The following PRRC2A variants were observed in gnomAD, a reference collection of about 807,000 sequenced individuals.
PRRC2A encodes the protein protein PRRC2A.
In PRRC2A, 59 loss-of-function variants were observed where a neutral mutation model predicts 224.6. The observed-to-expected ratio is 0.26, with a 90% CI of 0.21 to 0.33. The LOEUF is 0.33. Ranked by LOEUF, PRRC2A falls within the 10% of genes least tolerant of loss-of-function variation. The pLI is 1.00. For synonymous variants in PRRC2A, 1,194 were observed against 1,109.5 expected (o/e 1.08, Z -1.51); for missense variants, 3,095 against 2,880.7 (o/e 1.07, Z -1.70).
In PRRC2A at chr6:31,626,042, C is replaced by T. The variant is rs1454783031; in HGVS notation, c.862C>T (p.Pro288Ser). 3.2e-5 allele frequency: 52 copies of T among 1,609,328 alleles called. No individual in the cohort carries two copies. The highest frequency in any genetic ancestry group is 4.2e-5 in the Non-Finnish European group (50 of 1,178,534). Residue 288 changes from proline to serine, a missense_variant, in exon 9 of 31, where the codon CCC becomes TCC. By Grantham distance (74) the Pro-to-Ser change is moderately conservative. Transcript: ENST00000376033. The part of the protein sequence containing the change: ...GPSRFPRVAG[P>S]RGSGPPMRLV... ...CAGCCGTTTTCCCCGTGTGGCGGGC[C>T]CCCGAGGCTCAGGGCCACCAATGCG... is the stretch of plus-strand genomic sequence containing the variant.
chr6:31,629,383 C>G (rs760948983), intron 13 of PRRC2A, 49 bp downstream of exon 13: 2 of 1,523,088 alleles, frequency 1.3e-6, no homozygotes, highest in Non-Finnish European at 1.8e-6. Context: ...TTCCTGGCTT[C>G]GGTCCCTAAT....
chr6:31,629,402 T>C, intron 13 of PRRC2A, 68 bp downstream of exon 13: 1 of 1,512,018 alleles, frequency 6.6e-7, no homozygotes, highest in Non-Finnish European at 8.9e-7. Flanking sequence ...ATTCTCTTCA[T>C]AAGTTACCTT....
Position 31,630,816 on chromosome 6 carries a change from T to C in PRRC2A, c.2465+15T>C. The C allele has an allele frequency of 1.9e-6, 3 of 1,612,816 alleles. No homozygotes were observed. The highest frequency in any genetic ancestry group is 2.5e-6 in the Non-Finnish European group (3 of 1,179,376). On this transcript the variant is annotated intron_variant, in intron 15 of 30. Transcript: ENST00000376033. ...AAGGGGATGAGGTGAGTCTTGGTCA[T>C]GAGAAATGGGTGAGTTCACAGTGAA... is the stretch of plus-strand genomic sequence containing the variant.
In PRRC2A at chr6:31,632,299, T is replaced by G; in HGVS notation, c.3626T>G (p.Leu1209Trp). 2 of 1,613,216 alleles carry G rather than the reference T, an allele frequency of 1.2e-6. No individual in the cohort carries two copies. The highest frequency in any genetic ancestry group is 1.6e-4 in the Middle Eastern group (1 of 6,062). ...CCTTTGCCACCAAGTAAGGAGCCTT[T>G]GAAAGAGAAGTTGATCCCAGGGCCT... is the stretch of plus-strand genomic sequence containing the variant. ...TGPLPPSKEP[L>W]KEKLIPGPLS... The change falls in exon 16 of 31, where the codon TTG (leucine) becomes TGG (tryptophan). Residue 1209 changes from leucine (L) to tryptophan (W), a missense_variant. Leu to Trp is a moderately conservative substitution (Grantham distance 61). Around this residue, in one of 8 missense-constraint regions of PRRC2A, gnomAD observed 2,001 missense variants for 1,764.9 expected, o/e 1.13. Coordinates refer to ENST00000376033, the MANE Select transcript of PRRC2A (RefSeq NM_004638.4).
Position 31,632,501 on chromosome 6 carries a change from C to G in PRRC2A, c.3828C>G (p.Ser1276=). The change falls in exon 16 of 31, where the codon TCC becomes TCG. Residue 1276 remains serine (S), a synonymous_variant. Transcript: ENST00000376033. ...NAARGSEGKP[S]LTLPASAPGP... ...CAAGGGGGTCTGAGGGCAAGCCCTC[C>G]CTAACCCTTCCAGCCTCCGCTCCTG... 6.2e-7 allele frequency: 1 copy of G among 1,608,658 alleles called. No individual in the cohort carries two copies. Among genetic ancestry groups the G allele is most frequent in the Non-Finnish European group, 8.5e-7 (1 of 1,177,194 alleles).
In PRRC2A at chr6:31,625,945, A is replaced by G; in HGVS notation, c.839+74A>G. The G allele has an allele frequency of 6.3e-7, 1 of 1,590,908 alleles. No individual in the cohort carries two copies. The highest frequency in any genetic ancestry group is 1.7e-5 in the Admixed American group (1 of 58,728). On this transcript the variant is annotated intron_variant, in intron 8 of 30. Coordinates refer to ENST00000376033, the MANE Select transcript of PRRC2A (RefSeq NM_004638.4). This position sits in a 1 kb window ranked among gnomAD's most constrained non-coding sequence, Gnocchi z 4.1. The stretch of plus-strand genomic sequence containing the variant: ...TGGGGGAGGAGATGGTTTTCTAGCC[A>G]GGAGGCTCAGTCTAGGATCAGTCTC...
chr6:31,624,294 G>A lies in PRRC2A; in HGVS notation c.324G>A (p.Ser108=). 6.2e-7 allele frequency: 1 copy of A among 1,613,878 alleles called. No individual in the cohort carries two copies. The highest frequency in any genetic ancestry group is 8.5e-7 in the Non-Finnish European group (1 of 1,179,990). The change falls in exon 4 of 31, where the codon TCG becomes TCA. Residue 108 remains serine, a synonymous_variant. Transcript: ENST00000376033. ...CCTCAACCGCTCAGCCGCCGGAATC[G>A]CAGCCACTGCCGGCTTCACAGACGC... ...SDASTAQPPE[S]QPLPASQTPA...
rs749027787 is a variant in PRRC2A, at chr6:31,636,916, C to A, written c.6118C>A (p.Pro2040Thr). 1.6e-5 allele frequency: 25 copies of A among 1,612,880 alleles called. 1 individual carries two copies. In the Middle Eastern group the frequency reaches 6.6e-4, roughly 42 times the overall value. ...ATRVLPSPAR[P>T]FPASLGRAEL... ...TCGGGTGCTGCCTTCACCTGCCAGG[C>A]CCTTCCCCGCTAGCTTGGGGCGAGC... Residue 2040 changes from proline to threonine, a missense_variant, in exon 28 of 31, where the codon CCC (proline) becomes ACC (threonine). Coordinates refer to ENST00000376033, the MANE Select transcript of PRRC2A (RefSeq NM_004638.4). This position sits in a 1 kb window ranked among gnomAD's most constrained non-coding sequence, Gnocchi z 4.3.
chr6:31,624,374 T>C lies in PRRC2A; in HGVS notation c.390+14T>C, dbSNP rs377105795. 2.5e-5 allele frequency: 40 copies of C among 1,612,206 alleles called. No homozygotes were observed. In the African/African-American group the frequency reaches 4.5e-4, roughly 18 times the overall value. ...GCAGCCCCCGAGGTACCTGGAGAAC[T>C]GGAGGGGTGGGGAGGAAGAATGGTT... On this transcript the variant is annotated intron_variant, in intron 4 of 30. Coordinates refer to ENST00000376033, the MANE Select transcript of PRRC2A (RefSeq NM_004638.4).
chr6:31,629,964 G>A (rs896794797), intron 14 of PRRC2A, 119 bp downstream of exon 14: 1 of 1,481,566 alleles, frequency 6.7e-7, no homozygotes, highest in South Asian at 1.3e-5. Context: ...GATGAGGGAA[G>A]GGCATATGCT....
rs138385702 is a variant in PRRC2A, at chr6:31,627,719, A to G, written c.1291-46A>G. The G allele has an allele frequency of 6.6e-5, 106 of 1,597,850 alleles. No individual in the cohort carries two copies. In the African/African-American group the frequency reaches 9.4e-4, roughly 14 times the overall value. On this transcript the variant is annotated intron_variant, in intron 11 of 30. Coordinates refer to ENST00000376033, the MANE Select transcript of PRRC2A (RefSeq NM_004638.4). The surrounding 1 kb of genome is among the most constrained non-coding windows in gnomAD (Gnocchi z 5.6). ...TGTTGTAAAAGAGATGATAGAAAGC[A>G]TAGTAACTGATTCCCCTGGCCCTGC...
Position 31,633,939 on chromosome 6 carries a change from C to A in PRRC2A, c.4669C>A (p.Pro1557Thr), listed in dbSNP as rs934850769. 1.9e-6 allele frequency: 3 copies of A among 1,597,098 alleles called. No individual in the cohort carries two copies. The highest frequency in any genetic ancestry group is 1.4e-5 in the African/African-American group (1 of 73,734). The stretch of plus-strand genomic sequence containing the variant: ...GGACTCTGCCGGGGTTAGTCCCTTT[C>A]CCCCTAAACGTCGGGAGCGGCCTCC... ...PRDSAGVSPF[P>T]PKRRERPPRK... Residue 1557 changes from proline (P) to threonine (T), a missense_variant, in exon 18 of 31, where the codon CCC (proline) becomes ACC (threonine). Physicochemically the swap from Pro to Thr is conservative, Grantham distance 38 (BLOSUM62 -1). This residue lies in a region of PRRC2A where 2,001 missense variants were observed against 1,764.9 expected (regional missense o/e 1.13). Transcript: ENST00000376033.
In PRRC2A at chr6:31,632,846, C is replaced by T. The variant is rs1050871605; in HGVS notation, c.4173C>T (p.Gly1391=). 1 of 1,613,092 alleles carries T rather than the reference C, an allele frequency of 6.2e-7. No individual in the cohort carries two copies. The highest frequency in any genetic ancestry group is 8.5e-7 in the Non-Finnish European group (1 of 1,180,000). Residue 1391 remains glycine (G), a synonymous_variant, in exon 16 of 31, where the codon GGC becomes GGT. Transcript: ENST00000376033. Reference sequence around the variant, plus strand: ...GGAGCTTCTCAAGTCAGCGGCCAGGCATGGAACGGCAGAATCGGCGCCCTG... The same window carrying T: ...GGAGCTTCTCAAGTCAGCGGCCAGGTATGGAACGGCAGAATCGGCGCCCTG... ...SKRSFSSQRP[G]MERQNRRPGP...
rs17207239 is a variant in PRRC2A at position 31,635,117 on chromosome 6, G to C, written c.5161-15G>C. The C allele has an allele frequency of 7.6e-3, 12,235 of 1,613,234 alleles. 560 individuals carry two copies. In the South Asian group the frequency reaches 0.092, roughly 12 times the overall value. The stretch of plus-strand genomic sequence containing the variant: ...TTTCCCTCCCCCAATGCACTTTACT[G>C]TGTGCCCAATCCAGGAGCTGCCCCG... On this transcript the variant is annotated splice_polypyrimidine_tract_variant and intron_variant, in intron 21 of 30. Coordinates refer to ENST00000376033, the MANE Select transcript of PRRC2A (RefSeq NM_004638.4).
intron 12 of PRRC2A, chr6:31,628,840 C>CAA: frequency 2.8e-6 from 1 of 360,178 alleles, no homozygotes; most frequent in East Asian, 5.7e-5. Context: ...GACTCTGTCT[C>CAA]AAAAAAAAAT....
intron 1 of PRRC2A, among the ~76,000 whole-genome samples, chr6:31,621,085 C>G (rs768917513): frequency 4.8e-4 from 73 of 152,230 alleles, no homozygotes; most frequent in Non-Finnish European, 7.3e-4. Context: ...TAGTCTGCCC[C>G]TAACCACCCA....
Position 31,634,376 on chromosome 6 carries a change from C to G in PRRC2A, c.4849+11C>G. ...ACCGTTTACATACTGGTGAGTAAAG[C>G]TGAGTGAAAGGACTATGGTAGAAGG... is the stretch of plus-strand genomic sequence containing the variant. On this transcript the variant is annotated intron_variant, in intron 19 of 30. Transcript: ENST00000376033. 6.2e-7 allele frequency: 1 copy of G among 1,612,454 alleles called. No homozygotes were observed. Among genetic ancestry groups the G allele is most frequent in the Non-Finnish European group, 8.5e-7 (1 of 1,179,780 alleles).
In PRRC2A at chr6:31,631,446, C is replaced by T. The variant is rs776994441; in HGVS notation, c.2773C>T (p.Arg925Cys). The T allele has an allele frequency of 5.0e-6, 8 of 1,609,740 alleles. No individual in the cohort carries two copies. The highest frequency in any genetic ancestry group is 1.7e-5 in the Admixed American group (1 of 59,470). The change falls in exon 16 of 31, where the codon CGC becomes TGC. Residue 925 changes from arginine to cysteine, a missense_variant. Physicochemically the swap from Arg to Cys is radical, Grantham distance 180. Coordinates refer to ENST00000376033, the MANE Select transcript of PRRC2A (RefSeq NM_004638.4). The surrounding 1 kb of genome is among the most constrained non-coding windows in gnomAD (Gnocchi z 4.5). ...PPRRESRTET[R>C]WGPRPGSSRR... is the part of the protein sequence containing the mutation. ...ACGCAGAGAGAGTCGCACAGAGACCCGCTGGGGCCCTCGTCCAGGGAGCAG... is the reference window on the plus strand; with the variant it reads ...ACGCAGAGAGAGTCGCACAGAGACCTGCTGGGGCCCTCGTCCAGGGAGCAG...
At chr6:31,628,738 G>T (rs904814163) in intron 12 of PRRC2A, 6 of 222,814 alleles carry the variant, frequency 2.7e-5, no homozygotes, top group Admixed American at 1.5e-4. Flanking sequence ...CTGCTTGGGA[G>T]GCTGAGGTAG....
Sources: allele counts gnomAD v4.1 joint callset (sites outside exome capture counted in the v4.1 genomes callset), GRCh38; gene constraint gnomAD v4.1.1; regional missense constraint gnomAD v4.1.1; non-coding constraint Gnocchi (gnomAD v3.1); transcripts MANE v1.5; gene names NCBI Gene and HGNC (gene_info 2026-07-23, HGNC 2026-07-21).